Variants in CATSPERB observed in about 807,000 individuals in gnomAD.
CATSPERB encodes cation channel sperm-associated auxiliary subunit beta.
A neutral mutation model predicts 128.3 loss-of-function variants in CATSPERB; 93 were observed. The observed-to-expected ratio is 0.72, with a 90% CI of 0.61 to 0.86. The LOEUF is 0.86. CATSPERB is among the 40% of genes least tolerant of loss of function. The pLI is 0.00. For missense variants in CATSPERB, 1,153 were observed against 1,329.5 expected, an observed-to-expected ratio of 0.87 and a Z score of 2.06; for synonymous variants, 381 against 448.8, an observed-to-expected ratio of 0.85 and a Z score of 1.91.
chr14:91,686,079 T>A (rs1895370174), intron 10 of CATSPERB, among the ~76,000 whole-genome samples: 1 of 152,216 alleles, frequency 6.6e-6, no homozygotes, highest in Non-Finnish European at 1.5e-5. Context: ...TACTCAAGTT[T>A]CTGCTTAAAT....
At chr14:91,672,014 T>C (rs59580749) in intron 13 of CATSPERB, among the ~76,000 whole-genome samples, 42,702 of 141,848 alleles carry the variant, frequency 0.3, 6,158 homozygotes, top group East Asian at 0.36. Context: ...AGGGAGACTC[T>C]GTCTCAAAAA....
intron 23 of CATSPERB, 73 bp downstream of exon 23, chr14:91,591,819 A>C: frequency 1.0e-6 from 1 of 986,576 alleles, no homozygotes; most frequent in Admixed American, 1.8e-5. Context: ...TTTCATGTTT[A>C]ACCTAAAGGC....
intron 14 of CATSPERB, among the ~76,000 whole-genome samples, chr14:91,667,677 G>C (rs549309287): frequency 1.5e-4 from 23 of 152,314 alleles, no homozygotes; most frequent in African/African-American, 5.3e-4. Flanking sequence ...CCTCCTCACT[G>C]CTGAGAAAGG....
chr14:91,683,850 T>C, intron 11 of CATSPERB, 27 bp downstream of exon 11: 1 of 1,432,792 alleles, frequency 7.0e-7, no homozygotes, highest in Non-Finnish European at 9.7e-7. Flanking sequence ...AGTCTCTTAA[T>C]ACAGTATATC....
chr14:91,590,357 C>T (rs1431628051), intron 23 of CATSPERB, among the ~76,000 whole-genome samples: 2 of 151,862 alleles, frequency 1.3e-5, no homozygotes, highest in Admixed American at 1.3e-4. Flanking sequence ...ATGGTGAAAC[C>T]CCATCTCTAC....
chr14:91,672,290 CTTGT>C lies in CATSPERB; in HGVS notation c.1128+573_1128+576del, dbSNP rs1436274616. 3.3e-5 allele frequency among the ~76,000 whole-genome samples: 5 copies of C among 152,146 alleles called. 1 individual carries two copies. The highest frequency in any genetic ancestry group is 4.1e-4 in the South Asian group (2 of 4,822). On this transcript the variant is annotated intron_variant, in intron 13 of 26. Transcript: ENST00000256343. ...GTTTGTTTGTTTTTTTGTTTGCTTG[CTTGT>C]TTGTTTTCTCAGACTGGATTTTGCT...
In CATSPERB at chr14:91,581,032, C is replaced by A. The variant is rs1465184543; in HGVS notation, c.3208G>T (p.Gly1070Ter). 6.2e-7 allele frequency: 1 copy of A among 1,614,166 alleles called. No homozygotes were observed. Among genetic ancestry groups the A allele is most frequent in the African/African-American group, 1.3e-5 (1 of 75,048 alleles). ...IAVATAVVLG[G>*]LIFIAFMFQL... is the part of the protein sequence containing the mutation. The stretch of plus-strand genomic sequence containing the variant: ...AACATAAATGCTATAAAAATTAATC[C>A]CCCTAGCACTACCGCTGTTGCCACG... Residue 1070 changes from glycine (G) to a stop codon, truncating the protein, a stop_gained, in exon 27 of 27, where the codon GGA becomes TGA. Coordinates refer to ENST00000256343, the MANE Select transcript of CATSPERB (RefSeq NM_024764.4). LOFTEE classifies it low-confidence loss of function (END_TRUNC).
intron 22 of CATSPERB, among the ~76,000 whole-genome samples, chr14:91,598,143 T>C (rs61991990): frequency 0.14 from 21,551 of 151,778 alleles, 1,667 homozygotes; most frequent in Non-Finnish European, 0.18. Flanking sequence ...GATTCTTTCT[T>C]ATATAAAATT....
intron 22 of CATSPERB, among the ~76,000 whole-genome samples, chr14:91,598,250 T>G (rs1322110129): frequency 6.6e-6 from 1 of 151,938 alleles, no homozygotes; most frequent in African/African-American, 2.4e-5. Flanking sequence ...TACCTTGTTT[T>G]ATATATAACC....
At chr14:91,635,028 T>C (rs1245474071) in intron 17 of CATSPERB, among the ~76,000 whole-genome samples, 4 of 152,044 alleles carry the variant, frequency 2.6e-5, no homozygotes, top group Non-Finnish European at 4.4e-5. Context: ...TTCTGGTTTA[T>C]AGATGGTGTC....
rs1895599991 is a variant in CATSPERB at position 91,698,646 on chromosome 14, A to C, written c.617-5167T>G. Reference sequence around the variant, plus strand: ...AAAGGTTTTTTCCACATCTATTGAGATCATTATATAGCTTTTGCTTTTAGT... The same window carrying C: ...AAAGGTTTTTTCCACATCTATTGAGCTCATTATATAGCTTTTGCTTTTAGT... On this transcript the variant is annotated intron_variant, in intron 7 of 26. Transcript: ENST00000256343. Among the ~76,000 whole-genome samples the C allele has an allele frequency of 3.9e-5, 6 of 152,246 alleles. 1 individual carries two copies. Among genetic ancestry groups the C allele is most frequent in the Admixed American group, 3.9e-4 (6 of 15,284 alleles).
intron 14 of CATSPERB, among the ~76,000 whole-genome samples, chr14:91,663,594 G>A (rs1894924868): frequency 4.3e-5 from 6 of 140,596 alleles, no homozygotes; most frequent in Admixed American, 1.5e-4. Context: ...GCAGTGAGCC[G>A]AGATCGCACC....
At chr14:91,619,427 A>G (rs927349901) in intron 19 of CATSPERB, among the ~76,000 whole-genome samples, 1 of 152,180 alleles carries the variant, frequency 6.6e-6, no homozygotes, top group African/African-American at 2.4e-5. Flanking sequence ...TTCAGATAGA[A>G]GGAAGGTTTT....
At chr14:91,623,752 T>C (rs1894099584) in intron 18 of CATSPERB, among the ~76,000 whole-genome samples, 2 of 152,332 alleles carry the variant, frequency 1.3e-5, no homozygotes, top group Admixed American at 6.5e-5. Flanking sequence ...CTAAGTCAGA[T>C]CATATCACTT....
At chr14:91,708,293 A>G in intron 5 of CATSPERB, 57 bp from the exon 6 acceptor site, 1 of 1,132,150 alleles carries the variant, frequency 8.8e-7, no homozygotes, top group Non-Finnish European at 1.3e-6. Context: ...GTGTTTGGTG[A>G]AATTTAAGGA....
intron 11 of CATSPERB, among the ~76,000 whole-genome samples, chr14:91,682,348 C>T (rs1895296976): frequency 6.6e-6 from 1 of 152,148 alleles, no homozygotes; most frequent in South Asian, 2.1e-4. Context: ...AGATGGCTGA[C>T]AGAGGTACAA....
chr14:91,614,083 G>A (rs1237464780), intron 20 of CATSPERB, among the ~76,000 whole-genome samples: 3 of 152,176 alleles, frequency 2.0e-5, no homozygotes, highest in Non-Finnish European at 4.4e-5. Context: ...ACGTCTCTTG[G>A]CTGAATTTTT....
At chr14:91,629,704 A>T (rs1478190461) in intron 17 of CATSPERB, among the ~76,000 whole-genome samples, 7 of 152,220 alleles carry the variant, frequency 4.6e-5, no homozygotes, top group Admixed American at 2.0e-4. Context: ...AATTAATTTT[A>T]AAAAGTTAAC....
At chr14:91,691,353 A>AAT (rs1417705266) in intron 10 of CATSPERB, among the ~76,000 whole-genome samples, 170 bp downstream of exon 10, 1 of 152,152 alleles carries the variant, frequency 6.6e-6, no homozygotes, top group South Asian at 2.1e-4. Context: ...ATGTATAAAT[A>AAT]ATATATGCTA....
Sources: gnomAD v4.1 joint callset for allele counts (sites outside exome capture counted in the v4.1 genomes callset) on GRCh38, gnomAD v4.1.1 for gene constraint, MANE v1.5 for transcripts, NCBI Gene and HGNC (gene_info 2026-07-23, HGNC 2026-07-21) for gene names.